Variants in TUT4 observed in about 807,000 individuals in gnomAD.
The protein encoded by TUT4 is terminal uridylyltransferase 4.
A neutral mutation model predicts 192.2 loss-of-function variants in TUT4; 36 were observed. The observed-to-expected ratio is 0.19, with a 90% CI of 0.14 to 0.25. The LOEUF (loss-of-function observed/expected upper bound fraction) is 0.25. TUT4 is among the 10% of genes least tolerant of loss of function. TUT4 has a pLI of 1.00. For missense variants in TUT4, 1,493 were observed against 1,957.2 expected (o/e 0.76, Z 4.47); for synonymous variants, 618 against 666.0 (o/e 0.93, Z 1.11).
At chr1:52,426,589 A>C (rs1024388531) in intron 28 of TUT4, among the ~76,000 whole-genome samples, 4 of 152,182 alleles carry the variant, frequency 2.6e-5, no homozygotes, top group African/African-American at 9.6e-5. Flanking sequence ...TGTGAACTGC[A>C]TTCTTAGAAG....
At chr1:52,482,779 T>C (rs1668830171) in intron 9 of TUT4, among the ~76,000 whole-genome samples, 1 of 152,180 alleles carries the variant, frequency 6.6e-6, no homozygotes, top group East Asian at 1.9e-4. Context: ...ATGATATGGA[T>C]GGTTACGTAA....
chr1:52,444,249 A>G (rs993720366), intron 24 of TUT4, among the ~76,000 whole-genome samples: 1 of 152,126 alleles, frequency 6.6e-6, no homozygotes, highest in Non-Finnish European at 1.5e-5. Flanking sequence ...AGAAAAAAAA[A>G]TTGTTTGGTT....
intron 12 of TUT4, 122 bp from the exon 13 acceptor site, chr1:52,475,657 T>C: frequency 1.2e-6 from 1 of 857,142 alleles, no homozygotes; most frequent in Non-Finnish European, 1.7e-6. Flanking sequence ...GGGGTTTTTC[T>C]AAGCTAGACT....
At chr1:52,544,225 T>C (rs1687476691) in intron 1 of TUT4, among the ~76,000 whole-genome samples, 2 of 151,648 alleles carry the variant, frequency 1.3e-5, no homozygotes, top group Non-Finnish European at 2.9e-5. Context: ...GAGGCGGAGC[T>C]TGCAGTGAGC....
rs1309381433 is a variant in TUT4 at position 52,423,974 on chromosome 1, C to T, written c.4899G>A (p.Glu1633=). 2.5e-6 allele frequency: 4 copies of T among 1,612,766 alleles called. No individual in the cohort carries two copies. The South Asian group carries it at 3.3e-5, about 13-fold the overall frequency. The part of the protein sequence containing the change: ...QDRCATRRCR[E]RCPHPPRGNV... The stretch of plus-strand genomic sequence containing the variant: ...TTCCTCTTGGTGGGTGGGGACAACG[C>T]TCTCTACACCGACGGGTGGCACATC... The change falls in exon 30 of 30, where the codon GAG becomes GAA. Residue 1633 remains glutamate (E), a synonymous_variant. Coordinates refer to ENST00000257177, the MANE Select transcript of TUT4 (RefSeq NM_001009881.3).
At chr1:52,529,293 A>G (rs1362409958) in intron 1 of TUT4, among the ~76,000 whole-genome samples, 1 of 152,194 alleles carries the variant, frequency 6.6e-6, no homozygotes, top group Non-Finnish European at 1.5e-5. Flanking sequence ...CTGCAAAAGA[A>G]TGCTTTTGCT....
chr1:52,503,750 C>T (rs1382644481), intron 4 of TUT4, among the ~76,000 whole-genome samples: 1 of 152,184 alleles, frequency 6.6e-6, no homozygotes, highest in Non-Finnish European at 1.5e-5. Flanking sequence ...TATATTATCA[C>T]ATTTTCAACT....
chr1:52,496,620 A>T (rs1402591381), intron 5 of TUT4, among the ~76,000 whole-genome samples: 2 of 152,196 alleles, frequency 1.3e-5, no homozygotes, highest in East Asian at 3.8e-4. Context: ...TAAAGGCCCT[A>T]TTAAAGTAAA....
At chr1:52,522,180 T>A (rs1680474986) in intron 2 of TUT4, among the ~76,000 whole-genome samples, 1 of 152,224 alleles carries the variant, frequency 6.6e-6, no homozygotes, top group South Asian at 2.1e-4. Flanking sequence ...CTTTAAAACA[T>A]GAGAAGCACT....
At chr1:52,447,705 A>G (rs1454471974) in intron 20 of TUT4, among the ~76,000 whole-genome samples, 1 of 152,184 alleles carries the variant, frequency 6.6e-6, no homozygotes, top group East Asian at 1.9e-4. Context: ...GGAAGGTGCA[A>G]CAGATTCAGT....
chr1:52,474,778 A>G, intron 13 of TUT4, 54 bp downstream of exon 13: 1 of 1,414,222 alleles, frequency 7.1e-7, no homozygotes, highest in Non-Finnish European at 9.5e-7. Context: ...AAAAATATAC[A>G]TAGTCATACA....
intron 20 of TUT4, among the ~76,000 whole-genome samples, chr1:52,456,898 G>C (rs1192277446): frequency 6.6e-6 from 1 of 152,166 alleles, no homozygotes; most frequent in Non-Finnish European, 1.5e-5. Flanking sequence ...AGGTTCATCA[G>C]TTGTAAAAAA....
intron 7 of TUT4, 78 bp downstream of exon 7, chr1:52,493,533 G>C: frequency 9.9e-7 from 1 of 1,013,882 alleles, no homozygotes. Context: ...AACTTGGTTA[G>C]CCATATATAA....
At chr1:52,428,233 A>T (rs1650644172) in intron 28 of TUT4, among the ~76,000 whole-genome samples, 1 of 152,196 alleles carries the variant, frequency 6.6e-6, no homozygotes, top group African/African-American at 2.4e-5. Context: ...CACGCCTGTA[A>T]ATCCAGCACT....
intron 11 of TUT4, among the ~76,000 whole-genome samples, chr1:52,478,831 T>C (rs190076855): frequency 1.3e-5 from 2 of 152,300 alleles, no homozygotes; most frequent in East Asian, 3.9e-4. Flanking sequence ...CAACTATTCA[T>C]TGAGTGCCTA....
chr1:52,535,490 C>T (rs1454191421), intron 1 of TUT4, among the ~76,000 whole-genome samples: 2 of 152,100 alleles, frequency 1.3e-5, no homozygotes, highest in East Asian at 3.8e-4. Flanking sequence ...TTTTTCTGCC[C>T]TCTGTATTTT....
At chr1:52,470,422 T>C (rs1023220179) in intron 14 of TUT4, among the ~76,000 whole-genome samples, 30 of 152,078 alleles carry the variant, frequency 2.0e-4, no homozygotes, top group African/African-American at 6.3e-4. Flanking sequence ...GACCCAGCCA[T>C]TCTAAGTATT....
Position 52,490,737 on chromosome 1 carries a change from T to G in TUT4, c.1383A>C (p.Arg461=). 6.2e-7 allele frequency: 1 copy of G among 1,608,812 alleles called. No homozygotes were observed. Among genetic ancestry groups the G allele is most frequent in the Non-Finnish European group, 8.5e-7 (1 of 1,178,094 alleles). Residue 461 remains arginine (R), a synonymous_variant, in exon 8 of 30, where the codon CGA becomes CGC. Coordinates refer to ENST00000257177, the MANE Select transcript of TUT4 (RefSeq NM_001009881.3). The part of the protein sequence containing the change: ...AKVPVVVCRD[R]KSGLLCRVSA... Reference sequence around the variant, plus strand: ...TTATCTTCATTGTTACCAACCTTTTTCGATCTCTGCACACCACAACAGGAA... The same window carrying G: ...TTATCTTCATTGTTACCAACCTTTTGCGATCTCTGCACACCACAACAGGAA...
At chr1:52,442,465 A>C (rs142576153) in intron 24 of TUT4, among the ~76,000 whole-genome samples, 1 of 152,348 alleles carries the variant, frequency 6.6e-6, no homozygotes, top group African/African-American at 2.4e-5. Context: ...GACTATGTAC[A>C]AGGACATTTT....
Sources: gnomAD v4.1 joint callset for allele counts (sites outside exome capture counted in the v4.1 genomes callset) on GRCh38, gnomAD v4.1.1 for gene constraint, MANE v1.5 for transcripts, NCBI Gene and HGNC (gene_info 2026-07-23, HGNC 2026-07-21) for gene names.